CFAP20DC: variants seen among roughly 807,000 people sequenced by gnomAD.
The protein encoded by CFAP20DC is protein CFAP20DC.
Under a neutral mutation model 101.7 loss-of-function variants are expected in CFAP20DC, and 84 were observed. That is an observed-to-expected ratio of 0.83 (90% CI 0.69 to 0.99). The LOEUF is 0.99. Ranked by LOEUF, CFAP20DC falls within the 50% of genes least tolerant of loss-of-function variation. The pLI is 0.00. For synonymous variants in CFAP20DC, 359 were observed against 351.2 expected (o/e 1.02, Z -0.25); for missense variants, 1,007 against 970.3 (o/e 1.04, Z -0.50).
chr3:58,841,331 AAG>A (rs971436777), intron 13 of CFAP20DC, among the ~76,000 whole-genome samples: 3 of 152,344 alleles, frequency 2.0e-5, no homozygotes, highest in Non-Finnish European at 2.9e-5. Flanking sequence ...GGCAAATGGA[AAG>A]AGAGAGAGAT....
intron 6 of CFAP20DC, chr3:58,887,503 G>A (rs1184536749): frequency 3.3e-5 from 5 of 152,132 alleles, no homozygotes; most frequent in African/African-American, 7.2e-5. Flanking sequence ...AGGATACAGT[G>A]GCATACAAAA....
At chr3:58,916,853 T>C (rs2084791907) in intron 5 of CFAP20DC, among the ~76,000 whole-genome samples, 1 of 152,200 alleles carries the variant, frequency 6.6e-6, no homozygotes, top group Non-Finnish European at 1.5e-5. Flanking sequence ...TCTGAAGTAT[T>C]GGAGAAGTGT....
intron 6 of CFAP20DC, among the ~76,000 whole-genome samples, chr3:58,890,323 T>C (rs1359232216): frequency 8.1e-6 from 1 of 124,002 alleles, no homozygotes; most frequent in African/African-American, 3.1e-5. Flanking sequence ...CCCCCCCACC[T>C]CCCTCCCGGA....
At chr3:58,811,874 C>A (rs2074668888) in intron 14 of CFAP20DC, among the ~76,000 whole-genome samples, 1 of 152,046 alleles carries the variant, frequency 6.6e-6, no homozygotes. Context: ...AAAGAAACGA[C>A]CCCATCAAAA....
rs1387066225 is a variant in CFAP20DC at position 58,861,744 on chromosome 3, TG to T, written c.1593+1813del. On this transcript the variant is annotated intron_variant, in intron 12 of 16. Transcript: ENST00000482387. The surrounding 1 kb of genome is among the most constrained non-coding windows in gnomAD (Gnocchi z 4.0). ...CTCTTAGTAGGCTCTGATTAAAGGG[TG>T]GTGAGTGCCAGTGTTGGCAATGGGA... is the stretch of plus-strand genomic sequence containing the variant. 1.8e-5 allele frequency: 18 copies of T among 985,268 alleles called. No homozygotes were observed. Among genetic ancestry groups the T allele is most frequent in the Non-Finnish European group, 2.2e-5 (18 of 829,896 alleles). 61.0% of individuals were successfully genotyped at this position (985,268 alleles called of 1,614,324 possible).
chr3:58,911,524 G>T (rs2084152571), intron 6 of CFAP20DC, among the ~76,000 whole-genome samples: 1 of 152,022 alleles, frequency 6.6e-6, no homozygotes, highest in African/African-American at 2.4e-5. Context: ...GGTGGTTACA[G>T]AAATGTGTTC....
rs1482322215 is a variant in CFAP20DC at position 58,823,372 on chromosome 3, G to A, written c.2175+8314C>T. Among the ~76,000 whole-genome samples the A allele has an allele frequency of 2.0e-5, 3 of 152,126 alleles. No homozygotes were observed. In the East Asian group the frequency reaches 5.8e-4, roughly 29 times the overall value. On this transcript the variant is annotated intron_variant, in intron 14 of 16. Coordinates refer to ENST00000482387, the MANE Select transcript of CFAP20DC (RefSeq NM_001394063.1). ...GAATTTGTTTTGATTTTGGCATTCA[G>A]TCATACCTAGAGAATATCGTAAGTA... is the stretch of plus-strand genomic sequence containing the variant.
chr3:58,798,700 A>G (rs1374049682), intron 15 of CFAP20DC, among the ~76,000 whole-genome samples: 1 of 152,238 alleles, frequency 6.6e-6, no homozygotes, highest in Non-Finnish European at 1.5e-5. Flanking sequence ...GGAAGAGTCC[A>G]GTGATGTGGC....
rs530513790 is a variant in CFAP20DC, at chr3:58,749,951, T to C, written c.2332+3818A>G. Among the ~76,000 whole-genome samples the C allele has an allele frequency of 2.6e-4, 39 of 152,318 alleles. 1 individual carries two copies. The South Asian group carries it at 7.3e-3, about 28-fold the overall frequency. On this transcript the variant is annotated intron_variant, in intron 16 of 16. Transcript: ENST00000482387. ...TTAAGGGCACCATGTCCGATAGTAA[T>C]TGATATTCAGCAAGTGTGTTATAGC... is the stretch of plus-strand genomic sequence containing the variant.
chr3:58,994,460 G>A (rs1348314788), intron 4 of CFAP20DC, among the ~76,000 whole-genome samples: 4 of 151,958 alleles, frequency 2.6e-5, no homozygotes, highest in Admixed American at 2.0e-4. Context: ...TTTTAATGGG[G>A]AAACTGCAGC....
intron 15 of CFAP20DC, among the ~76,000 whole-genome samples, chr3:58,784,782 A>G (rs2072169404): frequency 6.6e-6 from 1 of 152,158 alleles, no homozygotes; most frequent in African/African-American, 2.4e-5. Flanking sequence ...TATTCCCACC[A>G]AAAGTATATA....
At chr3:58,923,660 C>A (rs549909387) in intron 5 of CFAP20DC, among the ~76,000 whole-genome samples, 1 of 152,010 alleles carries the variant, frequency 6.6e-6, no homozygotes, top group South Asian at 2.1e-4. Flanking sequence ...AAGATTCTTT[C>A]TTTATCACTC....
Position 59,046,247 on chromosome 3 carries a change from T to C in CFAP20DC, c.187A>G (p.Lys63Glu), listed in dbSNP as rs1198182452. The stretch of plus-strand genomic sequence containing the variant: ...TACTTACGGCTTTGCTTATTCTCCT[T>C]TGGTAACTGAATTTTGTTTGTTTGG... ...SSQTNKIQLP[K>E]ENKQSLGLIQ... The change falls in exon 3 of 17, where the codon AAG (lysine) becomes GAG (glutamate). Residue 63 changes from lysine (K) to glutamate (E), a missense_variant. By Grantham distance (56) the Lys-to-Glu change is moderately conservative. Transcript: ENST00000482387. 2 of 1,530,710 alleles carry C rather than the reference T, an allele frequency of 1.3e-6. No individual in the cohort carries two copies. The highest frequency in any genetic ancestry group is 2.7e-5 in the African/African-American group (2 of 72,760). The allele number at this position is 1,530,710 out of a possible 1,614,324, so 94.8% of individuals were successfully genotyped here. A position where few individuals can be genotyped will look rare whatever the true frequency, so the allele number is the denominator to read the frequency against.
In CFAP20DC at chr3:58,869,433, T is replaced by C; in HGVS notation, c.910A>G (p.Lys304Glu). The C allele has an allele frequency of 6.2e-7, 1 of 1,613,828 alleles. No homozygotes were observed. The highest frequency in any genetic ancestry group is 8.5e-7 in the Non-Finnish European group (1 of 1,179,844). The change falls in exon 9 of 17, where the codon AAG becomes GAG. Residue 304 changes from lysine to glutamate, a missense_variant. Transcript: ENST00000482387. The surrounding 1 kb of genome is among the most constrained non-coding windows in gnomAD (Gnocchi z 4.3). The part of the protein sequence containing the change: ...NRSCQPSTVE[K>E]CVNGTEMSAL... Reference sequence around the variant, plus strand: ...GACATTTCTGTACCATTAACACACTTCTCTACAGTGGACGGCTGGCATGAT... The same window carrying C: ...GACATTTCTGTACCATTAACACACTCCTCTACAGTGGACGGCTGGCATGAT...
Position 58,945,238 on chromosome 3 carries a change from T to A in CFAP20DC, c.279-7476A>T, listed in dbSNP as rs1182673211. On this transcript the variant is annotated intron_variant, in intron 4 of 16. Coordinates refer to ENST00000482387, the MANE Select transcript of CFAP20DC (RefSeq NM_001394063.1). Reference sequence around the variant, plus strand: ...GATCTAATTAATCCCAGTATCCACCTTCTGAAGTACATGCTTGCTTTCTTT... The same window carrying A: ...GATCTAATTAATCCCAGTATCCACCATCTGAAGTACATGCTTGCTTTCTTT... Among the ~76,000 whole-genome samples the A allele has an allele frequency of 2.0e-5, 3 of 152,296 alleles. No homozygotes were observed. The East Asian group carries it at 5.8e-4, about 29-fold the overall frequency.
chr3:58,809,362 A>G (rs1466489459), intron 14 of CFAP20DC, among the ~76,000 whole-genome samples: 1 of 152,250 alleles, frequency 6.6e-6, no homozygotes, highest in East Asian at 1.9e-4. Flanking sequence ...CTCTCAGACC[A>G]CAGTGCAATC....
intron 15 of CFAP20DC, among the ~76,000 whole-genome samples, chr3:58,785,728 C>A (rs2072272624): frequency 6.6e-6 from 1 of 152,014 alleles, no homozygotes; most frequent in South Asian, 2.1e-4. Flanking sequence ...AAAATATGTC[C>A]CCCAAAATAT....
rs2084281887 is a variant in CFAP20DC at position 58,912,745 on chromosome 3, G to T, written c.550+963C>A. Reference sequence around the variant, plus strand: ...TGAATTCCAGGGAGCTGAGTTACCTGCAGAGTATATTTATAAATCAAATTA... The same window carrying T: ...TGAATTCCAGGGAGCTGAGTTACCTTCAGAGTATATTTATAAATCAAATTA... On this transcript the variant is annotated intron_variant, in intron 6 of 16. Coordinates refer to ENST00000482387, the MANE Select transcript of CFAP20DC (RefSeq NM_001394063.1). This position sits in a 1 kb window ranked among gnomAD's most constrained non-coding sequence, Gnocchi z 4.4. 1 of 456,180 alleles carries T rather than the reference G, an allele frequency of 2.2e-6. No homozygotes were observed. Among genetic ancestry groups the T allele is most frequent in the Non-Finnish European group, 4.4e-6 (1 of 226,800 alleles). 28.3% of individuals were successfully genotyped at this position (456,180 alleles called of 1,614,324 possible).
intron 12 of CFAP20DC, among the ~76,000 whole-genome samples, chr3:58,858,406 G>A (rs1026414919): frequency 6.6e-6 from 1 of 152,154 alleles, no homozygotes; most frequent in Non-Finnish European, 1.5e-5. Context: ...AAAAGGACAT[G>A]CAGATGGGCA....
Sources: gnomAD v4.1 joint callset for allele counts (sites outside exome capture counted in the v4.1 genomes callset) on GRCh38, gnomAD v4.1.1 for gene constraint, Gnocchi (gnomAD v3.1) non-coding constraint, MANE v1.5 for transcripts, NCBI Gene and HGNC (gene_info 2026-07-23, HGNC 2026-07-21) for gene names.